Variants in WFDC11 observed in about 807,000 individuals in gnomAD.
WFDC11 encodes protein WFDC11.
In WFDC11, 9 loss-of-function variants were observed where a neutral mutation model predicts 9.9. The ratio of observed to expected loss-of-function variants is 0.91; its 90% CI spans 0.55 to 1.58. The LOEUF (loss-of-function observed/expected upper bound fraction) is 1.58. Ranked by LOEUF, WFDC11 falls within the 40% of genes most tolerant of loss-of-function variation. The probability of loss-of-function intolerance (pLI) is 0.00; values close to 1 mark genes in which losing one functional copy is unlikely to be tolerated. For missense variants in WFDC11, 106 were observed against 101.7 expected (o/e 1.04, Z -0.18); for synonymous variants, 32 against 33.3 (o/e 0.96, Z 0.13).
At chr20:45,658,959 A>T (rs1982996470) in intron 2 of WFDC11, among the ~76,000 whole-genome samples, 1 of 149,464 alleles carries the variant, frequency 6.7e-6, no homozygotes, top group South Asian at 2.1e-4. Flanking sequence ...GAGAACATGC[A>T]GTGTTTGGTT....
At chr20:45,655,922 T>A (rs1291542280) in intron 2 of WFDC11, among the ~76,000 whole-genome samples, 1 of 151,968 alleles carries the variant, frequency 6.6e-6, no homozygotes, top group Non-Finnish European at 1.5e-5. Context: ...CACTGCTCAA[T>A]GAAATAAAAG....
intron 2 of WFDC11, among the ~76,000 whole-genome samples, chr20:45,660,479 TATGTATAC>T (rs1422724555): frequency 6.6e-6 from 1 of 152,108 alleles, no homozygotes; most frequent in African/African-American, 2.4e-5. Context: ...GTTAGTTACA[TATGTATAC>T]ATGTGCCATG....
intron 2 of WFDC11, among the ~76,000 whole-genome samples, chr20:45,665,528 T>C (rs1983169949): frequency 6.6e-6 from 1 of 152,244 alleles, no homozygotes. Flanking sequence ...GCTTTTCTGC[T>C]CTGGTTTCTC....
At chr20:45,664,924 G>T (rs1983156257) in intron 2 of WFDC11, among the ~76,000 whole-genome samples, 1 of 152,128 alleles carries the variant, frequency 6.6e-6, no homozygotes, top group African/African-American at 2.4e-5. Flanking sequence ...GAGTGTCTTT[G>T]TGATGTTCTC....
At chr20:45,664,847 A>AC (rs745950629) in intron 2 of WFDC11, among the ~76,000 whole-genome samples, 16 of 152,102 alleles carry the variant, frequency 1.1e-4, no homozygotes, top group Non-Finnish European at 2.2e-4. Context: ...GGTGCCCTTA[A>AC]CATTTTTTCC....
At chr20:45,659,531 T>TA (rs1213885376) in intron 2 of WFDC11, among the ~76,000 whole-genome samples, 1 of 152,282 alleles carries the variant, frequency 6.6e-6, no homozygotes, top group African/African-American at 2.4e-5. Flanking sequence ...TGTCTGTTCA[T>TA]ATCCTTCGCC....
chr20:45,650,242 A>G (rs1376573322), intron 3 of WFDC11, among the ~76,000 whole-genome samples: 1 of 151,762 alleles, frequency 6.6e-6, no homozygotes, highest in Non-Finnish European at 1.5e-5. Context: ...GTGTTTGTAT[A>G]TATATAGAGA....
intron 3 of WFDC11, among the ~76,000 whole-genome samples, chr20:45,650,267 C>CAG (rs921450582): frequency 6.6e-6 from 1 of 150,534 alleles, no homozygotes; most frequent in Non-Finnish European, 1.5e-5. Context: ...GAGAGAGAGA[C>CAG]AGAGAGAGAG....
At chr20:45,665,683 G>A (rs769803665) in intron 2 of WFDC11, among the ~76,000 whole-genome samples, 15 of 152,194 alleles carry the variant, frequency 9.9e-5, no homozygotes, top group Non-Finnish European at 1.3e-4. Context: ...TCCCTCAGCT[G>A]CAGGTCTGTT....
intron 2 of WFDC11, among the ~76,000 whole-genome samples, chr20:45,661,601 G>A (rs982371817): frequency 2.0e-5 from 3 of 152,148 alleles, no homozygotes; most frequent in Non-Finnish European, 4.4e-5. Context: ...TGTATACGGT[G>A]TAAGGAAGGG....
chr20:45,648,685 C>T lies in WFDC11; in HGVS notation c.*34G>A, dbSNP rs1339061929. 6.2e-7 allele frequency: 1 copy of T among 1,613,804 alleles called. No individual in the cohort carries two copies. Among genetic ancestry groups the T allele is most frequent in the Non-Finnish European group, 8.5e-7 (1 of 1,179,824 alleles). On this transcript the variant is annotated 3_prime_UTR_variant, in exon 5 of 5. Coordinates refer to ENST00000324384, the MANE Select transcript of WFDC11 (RefSeq NM_147197.2). ...GAGACCTCTTAAACATTTCCCAGCC[C>T]ACACAGGTGGCAGCCTGGTGGGAAG...
chr20:45,659,101 C>T lies in WFDC11; in HGVS notation c.-52+7987G>A, dbSNP rs565529569. ...TGTATATGTGCCACATTTTCTTAATCCAGTCTATCATTGATGGACATTTGG... is the reference window on the plus strand; with the variant it reads ...TGTATATGTGCCACATTTTCTTAATTCAGTCTATCATTGATGGACATTTGG... On this transcript the variant is annotated intron_variant, in intron 2 of 4. Transcript: ENST00000324384. 5.9e-5 allele frequency among the ~76,000 whole-genome samples: 9 copies of T among 152,334 alleles called. No homozygotes were observed. In the South Asian group the frequency reaches 1.9e-3, roughly 32 times the overall value.
intron 2 of WFDC11, among the ~76,000 whole-genome samples, chr20:45,666,123 G>A (rs1983182742): frequency 6.6e-6 from 1 of 152,190 alleles, no homozygotes; most frequent in African/African-American, 2.4e-5. Flanking sequence ...TGAAGCCTCA[G>A]CAATGATGGA....
chr20:45,670,054 A>G (rs1983265693), intron 1 of WFDC11, 124 bp downstream of exon 1: 1 of 152,174 alleles, frequency 6.6e-6, no homozygotes, highest in Non-Finnish European at 1.5e-5. Flanking sequence ...CACACAAACT[A>G]GAAAACCTAC....
In WFDC11 at chr20:45,648,730, C is replaced by T. The variant is rs1395396678; in HGVS notation, c.253G>A (p.Gly85Arg). Residue 85 changes from glycine to arginine, a missense_variant, in exon 5 of 5, where the codon GGA (glycine) becomes AGA (arginine). Physicochemically the swap from Gly to Arg is moderately radical, Grantham distance 125. Coordinates refer to ENST00000324384, the MANE Select transcript of WFDC11 (RefSeq NM_147197.2). ...NICWINVETSGDY is the reference protein window; with the variant it reads ...NICWINVETSRDY ...GGGAAGCTACGGTTTTAGTAATCTC[C>T]ACTGGTTTCCTGTAAAACAAAAAGG... The T allele has an allele frequency of 1.9e-6, 3 of 1,613,998 alleles. No homozygotes were observed. In the South Asian group the frequency reaches 3.3e-5, roughly 18 times the overall value.
intron 3 of WFDC11, among the ~76,000 whole-genome samples, chr20:45,649,690 T>C (rs1982759875): frequency 6.6e-6 from 1 of 152,118 alleles, no homozygotes; most frequent in African/African-American, 2.4e-5. Context: ...ACGATAAAAC[T>C]CAGTCAACCC....
intron 2 of WFDC11, among the ~76,000 whole-genome samples, chr20:45,655,911 C>T (rs1333882455): frequency 6.6e-6 from 1 of 152,034 alleles, no homozygotes; most frequent in Non-Finnish European, 1.5e-5. Flanking sequence ...GAACTACAAA[C>T]CACTGCTCAA....
chr20:45,649,358 C>T lies in WFDC11; in HGVS notation c.142G>A (p.Val48Ile), dbSNP rs754235399. ...LLEECWGKPN[V>I]KECTNKCSKA... is the part of the protein sequence containing the mutation. ...GAACACTTATTGGTACATTCTTTGA[C>T]ATTTGGCTTTCCCCAGCATTCTTCA... The change falls in exon 4 of 5, where the codon GTC becomes ATC. Residue 48 changes from valine to isoleucine, a missense_variant. Coordinates refer to ENST00000324384, the MANE Select transcript of WFDC11 (RefSeq NM_147197.2). 1.2e-6 allele frequency: 2 copies of T among 1,614,052 alleles called. No homozygotes were observed. Among genetic ancestry groups the T allele is most frequent in the Non-Finnish European group, 1.7e-6 (2 of 1,180,034 alleles).
Position 45,658,734 on chromosome 20 carries a change from T to TA in WFDC11, c.-51-8084dup, listed in dbSNP as rs543353013. Reference sequence around the variant, plus strand: ...TCTGATCTTGGTTATTTTCTTTTTTTATCACACTTTAAGTTCTGGAGTACA... The same window carrying TA: ...TCTGATCTTGGTTATTTTCTTTTTTTAATCACACTTTAAGTTCTGGAGTACA... On this transcript the variant is annotated intron_variant, in intron 2 of 4. Coordinates refer to ENST00000324384, the MANE Select transcript of WFDC11 (RefSeq NM_147197.2). 1.0e-3 allele frequency among the ~76,000 whole-genome samples: 155 copies of TA among 152,336 alleles called. 2 individuals carry two copies. Among genetic ancestry groups the TA allele is most frequent in the African/African-American group, 3.5e-3 (144 of 41,592 alleles).
Sources: allele counts gnomAD v4.1 joint callset (sites outside exome capture counted in the v4.1 genomes callset), GRCh38; gene constraint gnomAD v4.1.1; transcripts MANE v1.5; gene names NCBI Gene and HGNC (gene_info 2026-07-23, HGNC 2026-07-21).